The following ADIG variants were observed in gnomAD, a reference collection of about 807,000 sequenced individuals.
The protein encoded by ADIG is adipogenesis associated.
In ADIG, 12 loss-of-function variants were observed where a neutral mutation model predicts 10.7. The ratio of observed to expected loss-of-function variants is 1.12; its 90% confidence interval spans 0.72 to 1.82. ADIG has a LOEUF of 1.82. ADIG is among the 40% of genes most tolerant of loss of function. The probability of loss-of-function intolerance (pLI) is 0.00; values close to 1 mark genes in which losing one functional copy is unlikely to be tolerated. For synonymous variants in ADIG, 32 were observed against 35.6 expected, an observed-to-expected ratio of 0.90 and a Z score of 0.36; for missense variants, 72 against 92.5, an observed-to-expected ratio of 0.78 and a Z score of 0.91.
Position 38,586,106 on chromosome 20 carries a change from G to A in ADIG, c.202G>A (p.Gly68Arg), listed in dbSNP as rs923548800. The A allele has an allele frequency of 1.9e-6, 3 of 1,607,090 alleles. No homozygotes were observed. The African/African-American group carries it at 4.0e-5, about 21-fold the overall frequency. Residue 68 changes from glycine (G) to arginine (R), a missense_variant, in exon 2 of 3, where the codon GGG becomes AGG. By Grantham distance (125) the Gly-to-Arg change is moderately radical (BLOSUM62 -2). Coordinates refer to ENST00000537425, the MANE Select transcript of ADIG (RefSeq NM_001393816.1). ...SKGPAEFCWK[G>R]TLHGQEKERP... ...AGGCCCAGCTGAGTTTTGCTGGAAG[G>A]GGACACTCCACGGCCAAGAGAAGGA...
intron 1 of ADIG, chr20:38,585,442 G>T: frequency 6.4e-7 from 1 of 1,550,512 alleles, no homozygotes; most frequent in Non-Finnish European, 8.7e-7. Flanking sequence ...TAGATATTCT[G>T]CAAGTCAGAA....
intron 1 of ADIG, chr20:38,585,303 C>A: frequency 1.1e-6 from 1 of 943,600 alleles, no homozygotes; most frequent in Non-Finnish European, 1.6e-6. Context: ...CCCTACCTCC[C>A]CAAGATGAGT....
At chr20:38,587,258 T>TCTGTCTCCTTGGCCACCATAGC (rs11466888) in intron 2 of ADIG, among the ~76,000 whole-genome samples, 27,701 of 152,080 alleles carry the variant, frequency 0.18, 6,035 homozygotes, top group African/African-American at 0.53. Context: ...TCCGCCTTTC[T>TCTGTCTCCTTGGCCACCATAGC]CTGCCCTACT....
At chr20:38,586,806 GCTTA>G (rs1456471570) in intron 2 of ADIG, among the ~76,000 whole-genome samples, 2 of 151,968 alleles carry the variant, frequency 1.3e-5, no homozygotes, top group South Asian at 2.1e-4. Flanking sequence ...CCTTCCACAA[GCTTA>G]CTTATGAAAT....
Position 38,584,616 on chromosome 20 carries a change from G to A in ADIG, c.125-1413G>A, listed in dbSNP as rs576406590. ...TCCCTGGCTGTGAGCCTGGACAAGT[G>A]ATTTCACCATCCTCATCTGTAAAGT... On this transcript the variant is annotated intron_variant, in intron 1 of 2. Transcript: ENST00000537425. 1.6e-3 allele frequency among the ~76,000 whole-genome samples: 241 copies of A among 152,288 alleles called. 2 individuals carry two copies. Among genetic ancestry groups the A allele is most frequent in the Non-Finnish European group, 1.7e-3 (118 of 68,026 alleles).
At chr20:38,585,804 G>T (rs1426917219) in intron 1 of ADIG, 2 of 608,892 alleles carry the variant, frequency 3.3e-6, no homozygotes, top group Admixed American at 3.0e-5. Context: ...TCTAGATACG[G>T]CCATTTTCCA....
chr20:38,584,885 C>A (rs976864261), intron 1 of ADIG, among the ~76,000 whole-genome samples: 2 of 152,084 alleles, frequency 1.3e-5, no homozygotes, highest in African/African-American at 4.8e-5. Flanking sequence ...TCAAGCGATT[C>A]TCCTGCCTCA....
At chr20:38,581,491 C>T (rs886751730) in intron 1 of ADIG, 117 bp downstream of exon 1, 3 of 1,431,266 alleles carry the variant, frequency 2.1e-6, no homozygotes, top group Admixed American at 2.0e-5. Context: ...ATTTTAAGTG[C>T]TCGCTTAGAT....
intron 1 of ADIG, among the ~76,000 whole-genome samples, chr20:38,584,182 C>T (rs992885577): frequency 2.6e-5 from 4 of 151,956 alleles, no homozygotes; most frequent in East Asian, 3.9e-4. Context: ...TTTCCCAAGT[C>T]GAAGGAGGAG....
intron 2 of ADIG, 74 bp from the exon 3 acceptor site, chr20:38,588,027 C>A (rs2088652297): frequency 8.2e-7 from 1 of 1,221,526 alleles, no homozygotes; most frequent in Non-Finnish European, 1.1e-6. Context: ...CATGAACCAC[C>A]ACGTCTGGCC....
At chr20:38,583,546 C>T (rs773691163) in intron 1 of ADIG, among the ~76,000 whole-genome samples, 3 of 152,216 alleles carry the variant, frequency 2.0e-5, no homozygotes, top group Non-Finnish European at 2.9e-5. Context: ...ATCGTAGGTT[C>T]CTGTAGGCTG....
At chr20:38,587,355 T>A (rs535589503) in intron 2 of ADIG, among the ~76,000 whole-genome samples, 1 of 152,300 alleles carries the variant, frequency 6.6e-6, no homozygotes, top group African/African-American at 2.4e-5. Context: ...GCCCCTCACT[T>A]AACCTAAGTT....
chr20:38,582,529 G>T (rs1375648053), intron 1 of ADIG, among the ~76,000 whole-genome samples: 1 of 152,238 alleles, frequency 6.6e-6, no homozygotes, highest in Non-Finnish European at 1.5e-5. Flanking sequence ...AGGGTGAGAA[G>T]TCCCTCCCCA....
In ADIG at chr20:38,588,261, C is replaced by G. The variant is rs1281364897; in HGVS notation, c.*175C>G. The G allele has an allele frequency of 4.6e-6, 6 of 1,304,304 alleles. No homozygotes were observed. The highest frequency in any genetic ancestry group is 1.5e-5 in the African/African-American group (1 of 65,970). The allele number at this position is 1,304,304 out of a possible 1,614,324, so 80.8% of individuals were successfully genotyped here. A position where few individuals can be genotyped will look rare whatever the true frequency, so the allele number is the denominator to read the frequency against. The stretch of plus-strand genomic sequence containing the variant: ...TGTGAAAGCCTCCAGAGGTCCCAGC[C>G]CTTCTCCAGCATCACAGATGACCTC... On this transcript the variant is annotated 3_prime_UTR_variant, in exon 3 of 3. Transcript: ENST00000537425.
intron 1 of ADIG, among the ~76,000 whole-genome samples, chr20:38,582,422 ACCT>A (rs2088597404): frequency 6.6e-6 from 1 of 152,034 alleles, no homozygotes; most frequent in African/African-American, 2.4e-5. Flanking sequence ...GGACCACTTG[ACCT>A]CCTACCTCCT....
Position 38,587,799 on chromosome 20 carries a change from G to A in ADIG, c.*15-302G>A, listed in dbSNP as rs559891036. 4.7e-5 allele frequency among the ~76,000 whole-genome samples: 7 copies of A among 147,564 alleles called. No homozygotes were observed. The East Asian group carries it at 1.0e-3, about 21-fold the overall frequency. On this transcript the variant is annotated intron_variant, in intron 2 of 2. Transcript: ENST00000537425. ...GTTCCCCAGGCTGGAGTGCAGTAGC[G>A]CAATCTCAGTTTACTGCAACTTCTT...
intron 1 of ADIG, among the ~76,000 whole-genome samples, chr20:38,583,073 C>CT (rs1315315029): frequency 6.6e-6 from 1 of 152,170 alleles, no homozygotes; most frequent in African/African-American, 2.4e-5. Context: ...CCGCCTCAGC[C>CT]TCTCAAAGTG....
At position 38,588,090 on chromosome 20, in the gene ADIG, T is replaced by C; in HGVS notation, c.*15-11T>C. 7.7e-7 allele frequency: 1 copy of C among 1,293,172 alleles called. No individual in the cohort carries two copies. The allele number at this position is 1,293,172 out of a possible 1,614,324, so 80.1% of individuals were successfully genotyped here. On this transcript the variant is annotated splice_polypyrimidine_tract_variant and intron_variant, in intron 2 of 2. Transcript: ENST00000537425. ...TGGCATCCCTAGTCCCAACCTTCCT[T>C]TTGTTTCTAGTTTGGTTTTCCTGGA...
At chr20:38,587,502 G>GA (rs2088647683) in intron 2 of ADIG, among the ~76,000 whole-genome samples, 1 of 152,092 alleles carries the variant, frequency 6.6e-6, no homozygotes, top group African/African-American at 2.4e-5. Context: ...GTCCCACAAG[G>GA]TCCCAGGCTT....
Sources: allele counts gnomAD v4.1 joint callset (sites outside exome capture counted in the v4.1 genomes callset), GRCh38; gene constraint gnomAD v4.1.1; transcripts MANE v1.5; gene names NCBI Gene and HGNC (gene_info 2026-07-23, HGNC 2026-07-21).